The following ZNF185 variants were observed in gnomAD, a reference collection of about 807,000 sequenced individuals.
ZNF185 encodes the protein zinc finger protein 185 with LIM domain.
In ZNF185, 56 loss-of-function variants were observed where a neutral mutation model predicts 58.6. That is an observed-to-expected ratio of 0.95 (90% CI 0.77 to 1.19). ZNF185 has a LOEUF of 1.19. ZNF185 is among the 50% of genes most tolerant of loss of function. ZNF185 has a pLI of 0.00. For synonymous variants in ZNF185, 230 were observed against 215.9 expected, an observed-to-expected ratio of 1.07 and a Z score of -0.57; for missense variants, 627 against 573.5, an observed-to-expected ratio of 1.09 and a Z score of -0.95.
At chrX:152,914,356 G>A (rs1937902342), upstream of ZNF185, 2 of 582,698 alleles carry the variant, frequency 3.4e-6, no homozygotes, top group Middle Eastern at 3.3e-4. Context: ...GGGCAGTCTG[G>A]ATGATCTTGG....
At chrX:152,931,982 G>T (rs1212176997) in intron 13 of ZNF185, among the ~76,000 whole-genome samples, 1 of 112,355 alleles carries the variant, frequency 8.9e-6, no homozygotes, top group Non-Finnish European at 1.9e-5. Context: ...GAATGAATGA[G>T]GCCTGGAGGG....
chrX:152,924,860 T>A (rs1041775485), intron 11 of ZNF185, among the ~76,000 whole-genome samples: 36 of 112,370 alleles, frequency 3.2e-4, no homozygotes, highest in Non-Finnish European at 5.6e-4. Flanking sequence ...AATTTTTGTA[T>A]TTTTAGTAGA....
intron 14 of ZNF185, among the ~76,000 whole-genome samples, chrX:152,936,145 C>G (rs1396865677): frequency 8.9e-6 from 1 of 112,596 alleles, no homozygotes; most frequent in Non-Finnish European, 1.9e-5. Context: ...GATGGTAAAA[C>G]TGAGGCCCAG....
At chrX:152,928,656 C>T in exon 12 of ZNF185, 3 of 1,210,790 alleles carry the variant, frequency 2.5e-6, no homozygotes, top group Non-Finnish European at 3.4e-6. Context: ...ACGTGGAAGG[C>T]ATGAGGTATG....
At chrX:152,972,090 C>T (rs1393038593) in exon 23 of ZNF185, 1 of 112,260 alleles carries the variant, frequency 8.9e-6, no homozygotes, top group African/African-American at 3.2e-5. Context: ...GGTGGAAAAG[C>T]AGCTAACATT....
intron 14 of ZNF185, among the ~76,000 whole-genome samples, chrX:152,935,118 C>G (rs1268567948): frequency 5.4e-5 from 6 of 111,988 alleles, no homozygotes; most frequent in African/African-American, 1.9e-4. Flanking sequence ...GCCACTGTAC[C>G]TGGTCCCAAA....
At chrX:152,957,324 GA>G (rs1218704611) in intron 16 of ZNF185, among the ~76,000 whole-genome samples, 1 of 109,053 alleles carries the variant, frequency 9.2e-6, no homozygotes, top group East Asian at 2.9e-4. Flanking sequence ...GAAAATTTAA[GA>G]CAGTCCATGG....
intron 7 of ZNF185, among the ~76,000 whole-genome samples, 193 bp downstream of exon 8, chrX:152,919,274 C>G (rs781831415): frequency 9.0e-6 from 1 of 111,452 alleles, no homozygotes; most frequent in Non-Finnish European, 1.9e-5. Context: ...GTTGGACCAG[C>G]TGAGGGGCCC....
chrX:152,907,369 A>G, the ZNF185 span, among the ~76,000 whole-genome samples: 1 of 112,890 alleles, frequency 8.9e-6, no homozygotes. Context: ...TATCTATCCA[A>G]TCAGGGCCAG....
intron 12 of ZNF185, among the ~76,000 whole-genome samples, chrX:152,931,028 T>C (rs1941864091): frequency 8.9e-6 from 1 of 111,782 alleles, no homozygotes; most frequent in Non-Finnish European, 1.9e-5. Context: ...TTTGCTCATC[T>C]GAAAGATGGG....
chrX:152,938,585 T>C (rs1422190290), intron 15 of ZNF185, among the ~76,000 whole-genome samples: 2 of 111,036 alleles, frequency 1.8e-5, no homozygotes, highest in African/African-American at 3.3e-5. Context: ...CTGGATGTGG[T>C]CAGCGATGAG....
At chrX:152,938,901 TC>T (rs1556885768) in intron 15 of ZNF185, among the ~76,000 whole-genome samples, 3 of 83,627 alleles carry the variant, frequency 3.6e-5, no homozygotes, top group African/African-American at 5.8e-5. Flanking sequence ...TCAGGCGATC[TC>T]CTCTAAAGAG....
intron 15 of ZNF185, 120 bp from the exon 18 acceptor site, chrX:152,945,147 C>G: frequency 1.2e-6 from 1 of 821,547 alleles, no homozygotes; most frequent in South Asian, 2.7e-5. Flanking sequence ...CTTTCTGCCC[C>G]GCTTTCAGGG....
chrX:152,972,207 T>A (rs886674580), exon 23 of ZNF185: 4 of 112,207 alleles, frequency 3.6e-5, no homozygotes, highest in Admixed American at 2.8e-4. Flanking sequence ...CATGAGGATA[T>A]TGGAACTCAG....
intron 16 of ZNF185, among the ~76,000 whole-genome samples, chrX:152,949,168 A>G (rs188678507): frequency 2.1e-4 from 23 of 111,877 alleles, no homozygotes; most frequent in Admixed American, 1.9e-3. Flanking sequence ...TGGCCAAAGT[A>G]TCTCTAACCT....
intron 16 of ZNF185, among the ~76,000 whole-genome samples, chrX:152,956,861 C>T (rs781941023): frequency 1.8e-5 from 2 of 112,335 alleles, no homozygotes; most frequent in Non-Finnish European, 3.8e-5. Context: ...TTAAATAAAA[C>T]CTTATAGACA....
At chrX:152,971,092 C>T (rs1232313919) in intron 22 of ZNF185, among the ~76,000 whole-genome samples, 182 bp from the exon 25 acceptor site, 3 of 111,888 alleles carry the variant, frequency 2.7e-5, no homozygotes, top group Admixed American at 1.9e-4. Flanking sequence ...GAGCACAGAG[C>T]AGAATATATC....
chrX:152,928,303 G>A lies in ZNF185; in HGVS notation c.831-272G>A, dbSNP rs782431213. ...TTGCCCCTGCAAATGGTTGGTAGAAGCACGGGTTGGGAGGTTTCATTTCTA... is the reference window on the plus strand; with the variant it reads ...TTGCCCCTGCAAATGGTTGGTAGAAACACGGGTTGGGAGGTTTCATTTCTA... On this transcript the variant is annotated intron_variant, in intron 11 of 22. Coordinates refer to ENST00000449285, the Ensembl canonical transcript of ZNF185. 2.7e-5 allele frequency among the ~76,000 whole-genome samples: 3 copies of A among 112,293 alleles called. No individual in the cohort carries two copies. The East Asian group carries it at 8.5e-4, about 32-fold the overall frequency.
the ZNF185 span, among the ~76,000 whole-genome samples, chrX:152,904,494 TC>T: frequency 2.7e-5 from 3 of 112,364 alleles, no homozygotes; most frequent in African/African-American, 9.7e-5. Flanking sequence ...ATGTCCTGAT[TC>T]ACCAGACCTG....
Sources: allele counts gnomAD v4.1 joint callset (sites outside exome capture counted in the v4.1 genomes callset), GRCh38; gene constraint gnomAD v4.1.1; transcripts MANE v1.5; gene names NCBI Gene and HGNC (gene_info 2026-07-23, HGNC 2026-07-21).